Variants in RGS12 observed in about 807,000 individuals in gnomAD.
RGS12 encodes the protein regulator of G-protein signaling 12.
Under a neutral mutation model 120.1 loss-of-function variants are expected in RGS12, and 66 were observed. The ratio of observed to expected loss-of-function variants is 0.55; its 90% CI spans 0.45 to 0.67. The LOEUF (loss-of-function observed/expected upper bound fraction) is 0.67, where lower values mean the gene tolerates loss of function less well. Ranked by LOEUF, RGS12 falls within the 30% of genes least tolerant of loss-of-function variation. RGS12 has a pLI of 0.00. For synonymous variants in RGS12, 827 were observed against 804.7 expected (o/e 1.03, Z -0.47); for missense variants, 1,859 against 1,957.7 (o/e 0.95, Z 0.95).
upstream of RGS12, among the ~76,000 whole-genome samples, chr4:3,291,007 T>A (rs1342339285): frequency 6.6e-6 from 1 of 152,226 alleles, no homozygotes; most frequent in Non-Finnish European, 1.5e-5. Context: ...AACAGCTTCT[T>A]GGGCCACCCC....
At chr4:3,333,852 T>C (rs997530239) in intron 2 of RGS12, among the ~76,000 whole-genome samples, 2 of 152,264 alleles carry the variant, frequency 1.3e-5, no homozygotes, top group Non-Finnish European at 2.9e-5. Flanking sequence ...TTTTGTGTTT[T>C]AATCTGTAGC....
chr4:3,320,581 G>C (rs556450272), intron 2 of RGS12, among the ~76,000 whole-genome samples: 1 of 152,216 alleles, frequency 6.6e-6, no homozygotes, highest in Non-Finnish European at 1.5e-5. Flanking sequence ...ATTTGGAGTG[G>C]CCTTCATAAT....
chr4:3,303,453 T>C (rs981624178), intron 1 of RGS12, among the ~76,000 whole-genome samples: 1 of 152,238 alleles, frequency 6.6e-6, no homozygotes, highest in African/African-American at 2.4e-5. Context: ...CCAGCAGTGC[T>C]GTATTTCAGC....
intron 1 of RGS12, chr4:3,312,880 G>C (rs1317911315): frequency 5.9e-6 from 1 of 168,504 alleles, no homozygotes; most frequent in Non-Finnish European, 1.4e-5. Flanking sequence ...TTTTATATTA[G>C]ATACGTGACT....
intron 2 of RGS12, chr4:3,342,486 T>C (rs1713337201): frequency 7.8e-7 from 1 of 1,289,862 alleles, no homozygotes; most frequent in South Asian, 1.2e-5. Flanking sequence ...TTTCATTTCC[T>C]AAAGTGCTTA....
At position 3,317,875 on chromosome 4, in the gene RGS12, T is replaced by G. The variant is rs1197064061; in HGVS notation, c.1705T>G (p.Cys569Gly). The G allele has an allele frequency of 1.2e-6, 2 of 1,613,784 alleles. No homozygotes were observed. The highest frequency in any genetic ancestry group is 8.5e-7 in the Non-Finnish European group (1 of 1,179,976). The change falls in exon 2 of 18, where the codon TGC (cysteine) becomes GGC (glycine). Residue 569 changes from cysteine to glycine, a missense_variant. Physicochemically the swap from Cys to Gly is radical, Grantham distance 159. Transcript: ENST00000336727. ...CACCGATGGCTGGTCCAGCATCAACTGCGGCACACTGCCCCCTCCTATGAG... is the reference window on the plus strand; with the variant it reads ...CACCGATGGCTGGTCCAGCATCAACGGCGGCACACTGCCCCCTCCTATGAG... ...DSTDGWSSINCGTLPPPMSKI... is the reference protein window; with the variant it reads ...DSTDGWSSINGGTLPPPMSKI...
chr4:3,311,213 C>T (rs746824056), intron 1 of RGS12, among the ~76,000 whole-genome samples: 8 of 152,176 alleles, frequency 5.3e-5, no homozygotes, highest in African/African-American at 7.2e-5. Context: ...ACTGTGTGCA[C>T]GGGCAGTGCG....
At chr4:3,313,812 A>T (rs1236241667) in intron 1 of RGS12, among the ~76,000 whole-genome samples, 1 of 151,154 alleles carries the variant, frequency 6.6e-6, no homozygotes, top group Non-Finnish European at 1.5e-5. Flanking sequence ...CGCACCCCAC[A>T]CTCTCCCCAT....
At position 3,362,188 on chromosome 4, in the gene RGS12, C is replaced by T. The variant is rs1266376044; in HGVS notation, c.1998+19135C>T. On this transcript the variant is annotated intron_variant, in intron 3 of 17. Coordinates refer to ENST00000336727, the MANE Select transcript of RGS12 (RefSeq NM_001394154.1). ...GAAGGAGGGGTAGGGTGCTGGGGAC[C>T]GAGGTGGGGGACATGGGGTGTGGGT... 4.0e-5 allele frequency among the ~76,000 whole-genome samples: 6 copies of T among 149,614 alleles called. No individual in the cohort carries two copies. The South Asian group carries it at 6.4e-4, about 16-fold the overall frequency.
chr4:3,438,428 G>T (rs1312548122), intron 17 of RGS12, among the ~76,000 whole-genome samples: 1 of 151,954 alleles, frequency 6.6e-6, no homozygotes, highest in East Asian at 1.9e-4. Flanking sequence ...AGATGGGGGG[G>T]TGGGGTCAGT....
intron 2 of RGS12, among the ~76,000 whole-genome samples, chr4:3,332,218 C>T (rs1003769566): frequency 6.6e-6 from 1 of 152,178 alleles, no homozygotes; most frequent in Non-Finnish European, 1.5e-5. Flanking sequence ...GGCAAGGTGG[C>T]CGCCACATCC....
Position 3,343,739 on chromosome 4 carries a change from A to G in RGS12, c.1998+686A>G, listed in dbSNP as rs150040316. Among the ~76,000 whole-genome samples, 600 of 151,704 alleles carry G rather than the reference A, an allele frequency of 4.0e-3. 4 individuals are homozygous for G. The highest frequency in any genetic ancestry group is 0.014 in the African/African-American group (576 of 41,342). On this transcript the variant is annotated intron_variant, in intron 3 of 17. Coordinates refer to ENST00000336727, the MANE Select transcript of RGS12 (RefSeq NM_001394154.1). ...AAAGCCGCCGCCCTGGAAATCCTCT[A>G]TGCCCCACCTGTTTACCCTGCACCC...
intron 3 of RGS12, chr4:3,369,875 G>A (rs766505921): frequency 1.9e-5 from 6 of 320,078 alleles, no homozygotes; most frequent in Admixed American, 5.9e-5. Context: ...GCATGTGGAG[G>A]CTTAGAATAG....
At chr4:3,300,509 G>T (rs1017557176) in intron 1 of RGS12, among the ~76,000 whole-genome samples, 1 of 152,114 alleles carries the variant, frequency 6.6e-6, no homozygotes, top group Non-Finnish European at 1.5e-5. Context: ...AGGAGTTCCT[G>T]TGCCTGCTGG....
At chr4:3,434,265 T>C (rs1724604352) in intron 17 of RGS12, among the ~76,000 whole-genome samples, 1 of 152,032 alleles carries the variant, frequency 6.6e-6, no homozygotes, top group Non-Finnish European at 1.5e-5. Context: ...AGACTCACTA[T>C]CATGAGAACA....
At chr4:3,399,883 TCCAGGAG>T (rs1720407273) in intron 4 of RGS12, among the ~76,000 whole-genome samples, 1 of 152,236 alleles carries the variant, frequency 6.6e-6, no homozygotes, top group South Asian at 2.1e-4. Flanking sequence ...AGTGTTTTCC[TCCAGGAG>T]CCAGGCTATT....
chr4:3,310,969 A>G (rs1724361363), intron 1 of RGS12, among the ~76,000 whole-genome samples: 1 of 152,054 alleles, frequency 6.6e-6, no homozygotes, highest in African/African-American at 2.4e-5. Context: ...CTGTGCCCCC[A>G]CTCCCTCATC....
intron 2 of RGS12, among the ~76,000 whole-genome samples, chr4:3,332,205 C>G (rs918326738): frequency 3.9e-5 from 6 of 152,156 alleles, no homozygotes; most frequent in African/African-American, 1.2e-4. Context: ...TGAGACTGTT[C>G]AGGGCAAGGT....
chr4:3,414,738 T>A lies in RGS12; in HGVS notation c.2191-14T>A, dbSNP rs1365129559. 1 of 1,572,166 alleles carries A rather than the reference T, an allele frequency of 6.4e-7. No homozygotes were observed. Among genetic ancestry groups the A allele is most frequent in the Non-Finnish European group, 8.8e-7 (1 of 1,141,952 alleles). ...TGTGTCAGTGTTAATAAATGGTGTCTTTGTCTTTCTTAGGATTTTCTAAGG... is the reference window on the plus strand; with the variant it reads ...TGTGTCAGTGTTAATAAATGGTGTCATTGTCTTTCTTAGGATTTTCTAAGG... On this transcript the variant is annotated splice_polypyrimidine_tract_variant and intron_variant, in intron 5 of 17. Coordinates refer to ENST00000336727, the MANE Select transcript of RGS12 (RefSeq NM_001394154.1).
Sources: allele counts gnomAD v4.1 joint callset (sites outside exome capture counted in the v4.1 genomes callset), GRCh38; gene constraint gnomAD v4.1.1; transcripts MANE v1.5; gene names NCBI Gene and HGNC (gene_info 2026-07-23, HGNC 2026-07-21).